Variants in PCSK6 observed in about 807,000 individuals in gnomAD.
The protein encoded by PCSK6 is paired basic amino acid cleaving enzyme 4.
In PCSK6, 85 loss-of-function variants were observed where a neutral mutation model predicts 123.3. That is an observed-to-expected ratio of 0.69 (90% CI 0.58 to 0.83). The LOEUF (loss-of-function observed/expected upper bound fraction) is 0.83, where lower values mean the gene tolerates loss of function less well. PCSK6 is among the 40% of genes least tolerant of loss of function. The pLI, the probability that PCSK6 is intolerant of heterozygous loss-of-function variation, is 0.00. For synonymous variants in PCSK6, 508 were observed against 516.0 expected, an observed-to-expected ratio of 0.98 and a Z score of 0.21; for missense variants, 1,191 against 1,282.3, an observed-to-expected ratio of 0.93 and a Z score of 1.09.
chr15:101,360,380 G>C (rs575444399), intron 13 of PCSK6, among the ~76,000 whole-genome samples: 1 of 152,226 alleles, frequency 6.6e-6, no homozygotes, highest in East Asian at 1.9e-4. Context: ...GTGCGATCTG[G>C]TCCCTATGCT....
chr15:101,485,883 G>A (rs534089669), intron 1 of PCSK6, among the ~76,000 whole-genome samples: 4 of 151,698 alleles, frequency 2.6e-5, no homozygotes, highest in Admixed American at 1.3e-4. Context: ...CATTGAATTT[G>A]CAGATTAAAT....
rs376108270 is a variant in PCSK6 at position 101,331,952 on chromosome 15, G to A, written c.1938C>T (p.Arg646=). 2 of 1,613,786 alleles carry A rather than the reference G, an allele frequency of 1.2e-6. No individual in the cohort carries two copies. The highest frequency in any genetic ancestry group is 1.7e-6 in the Non-Finnish European group (2 of 1,179,860). Residue 646 remains arginine, a synonymous_variant, in exon 14 of 22, where the codon CGC becomes CGT. Transcript: ENST00000611716. ...GGGCTGAGAGCTCCAGCATCCGCGA[G>A]CGGGACTGATGGGCACTGAAGGTGT... The part of the protein sequence containing the change: ...PYHTFSAHQS[R]SRMLELSAPE...
intron 15 of PCSK6, among the ~76,000 whole-genome samples, chr15:101,329,454 C>T (rs1316068467): frequency 6.6e-6 from 1 of 152,188 alleles, no homozygotes; most frequent in Non-Finnish European, 1.5e-5. Context: ...GAGGTGCCCA[C>T]GAGAATAAGA....
intron 6 of PCSK6, among the ~76,000 whole-genome samples, chr15:101,403,764 G>C (rs1053000943): frequency 6.6e-6 from 1 of 152,228 alleles, no homozygotes; most frequent in South Asian, 2.1e-4. Flanking sequence ...CTGTTGCCCA[G>C]GTTGGAGGAC....
Position 101,322,553 on chromosome 15 carries a change from G to T in PCSK6, c.2432C>A (p.Pro811His). The T allele has an allele frequency of 6.2e-7, 1 of 1,613,708 alleles. No individual in the cohort carries two copies. The highest frequency in any genetic ancestry group is 8.5e-7 in the Non-Finnish European group (1 of 1,179,696). Residue 811 changes from proline to histidine, a missense_variant, in exon 18 of 22, where the codon CCT becomes CAT. Coordinates refer to ENST00000611716, the MANE Select transcript of PCSK6 (RefSeq NM_002570.5). ...HPSCKKCVDEPEKCTVCKEGF... is the reference protein window; with the variant it reads ...HPSCKKCVDEHEKCTVCKEGF... ...TTCTTTACAGACAGTACATTTCTCA[G>T]GTTCATCCACGCACTTTTTACAGCT...
Position 101,370,315 on chromosome 15 carries a change from C to G in PCSK6, c.1721+20G>C. 2.7e-6 allele frequency: 4 copies of G among 1,497,858 alleles called. No individual in the cohort carries two copies. Among genetic ancestry groups the G allele is most frequent in the Non-Finnish European group, 2.7e-6 (3 of 1,117,356 alleles). 92.8% of individuals were successfully genotyped at this position (1,497,858 alleles called of 1,614,324 possible). A position where few individuals can be genotyped will look rare whatever the true frequency, so the allele number is the denominator to read the frequency against. ...ATCTCAGTGAGCCCAGACCCCATCC[C>G]CACGCCTGCCTCGCCTTACCTCTTT... On this transcript the variant is annotated intron_variant, in intron 12 of 21. Coordinates refer to ENST00000611716, the MANE Select transcript of PCSK6 (RefSeq NM_002570.5).
Position 101,432,039 on chromosome 15 carries a change from G to C in PCSK6, c.464C>G (p.Pro155Arg). ...GGGGTCGTTGAAGTAAAGGGCCTGC[G>C]GGTCACTTCGCACCTGTCTCTTCAC... ...RRVKRQVRSD[P>R]QALYFNDPIW... Residue 155 changes from proline to arginine, a missense_variant, in exon 3 of 22, where the codon CCG (proline) becomes CGG (arginine). Pro to Arg is a moderately radical substitution (Grantham distance 103). Coordinates refer to ENST00000611716, the MANE Select transcript of PCSK6 (RefSeq NM_002570.5). The C allele has an allele frequency of 6.2e-7, 1 of 1,613,698 alleles. No individual in the cohort carries two copies. Among genetic ancestry groups the C allele is most frequent in the Non-Finnish European group, 8.5e-7 (1 of 1,179,814 alleles).
At chr15:101,467,238 T>G (rs11858490) in intron 1 of PCSK6, among the ~76,000 whole-genome samples, 111,897 of 151,240 alleles carry the variant, frequency 0.74, 42,190 homozygotes, top group Non-Finnish European at 0.83. Flanking sequence ...ATTTGTGTAC[T>G]AGCGGTCTTG....
chr15:101,363,615 T>C (rs1310303622), intron 13 of PCSK6, among the ~76,000 whole-genome samples: 1 of 152,030 alleles, frequency 6.6e-6, no homozygotes, highest in Non-Finnish European at 1.5e-5. Context: ...TTTTTGTACT[T>C]TTAGGATTTG....
intron 13 of PCSK6, among the ~76,000 whole-genome samples, chr15:101,357,878 C>T (rs1320355753): frequency 6.6e-6 from 1 of 152,186 alleles, no homozygotes; most frequent in East Asian, 1.9e-4. Flanking sequence ...CACTGCAGGC[C>T]CCCATCCACA....
intron 19 of PCSK6, among the ~76,000 whole-genome samples, chr15:101,314,969 G>A (rs905913213): frequency 6.6e-6 from 1 of 152,188 alleles, no homozygotes; most frequent in Non-Finnish European, 1.5e-5. Flanking sequence ...ACCAGGCGGG[G>A]TGCCACTCTG....
chr15:101,373,373 A>G (rs1488884542), intron 11 of PCSK6, among the ~76,000 whole-genome samples: 1 of 152,236 alleles, frequency 6.6e-6, no homozygotes, highest in South Asian at 2.1e-4. Flanking sequence ...TTTATGTGAA[A>G]GCTCTTAACT....
chr15:101,385,140 C>T (rs373629287), intron 9 of PCSK6, among the ~76,000 whole-genome samples: 12 of 151,910 alleles, frequency 7.9e-5, no homozygotes, highest in African/African-American at 2.9e-4. Flanking sequence ...CCTCAGCCTC[C>T]CAAGTGGCTA....
chr15:101,469,152 C>T (rs1201435005), intron 1 of PCSK6, among the ~76,000 whole-genome samples: 1 of 152,006 alleles, frequency 6.6e-6, no homozygotes, highest in African/African-American at 2.4e-5. Flanking sequence ...GGAGAAAAAA[C>T]ACTCCCACCT....
At chr15:101,347,804 C>T (rs2040775626) in intron 13 of PCSK6, 5 of 1,586,676 alleles carry the variant, frequency 3.2e-6, no homozygotes, top group Non-Finnish European at 4.3e-6. Context: ...TGAAGTGAAG[C>T]CCATGGGCTG....
chr15:101,404,448 G>A (rs1279953688), intron 6 of PCSK6, among the ~76,000 whole-genome samples: 2 of 152,132 alleles, frequency 1.3e-5, no homozygotes, highest in African/African-American at 4.8e-5. Flanking sequence ...GCTGTGTCAG[G>A]GACACTGGGC....
At chr15:101,309,824 T>C (rs1192073283) in intron 20 of PCSK6, among the ~76,000 whole-genome samples, 1 of 152,248 alleles carries the variant, frequency 6.6e-6, no homozygotes. Context: ...CACTAGGTCT[T>C]GAGGGTGTCC....
chr15:101,338,037 T>C (rs2040522081), intron 13 of PCSK6, among the ~76,000 whole-genome samples: 1 of 152,204 alleles, frequency 6.6e-6, no homozygotes. Context: ...CGTTAATGTC[T>C]TATCTTGAAC....
intron 13 of PCSK6, among the ~76,000 whole-genome samples, chr15:101,357,662 G>A (rs2041084049): frequency 6.6e-6 from 1 of 152,240 alleles, no homozygotes; most frequent in Non-Finnish European, 1.5e-5. Flanking sequence ...CCCACCTGGC[G>A]TGGCCTCACA....
Sources: gnomAD v4.1 joint callset for allele counts (sites outside exome capture counted in the v4.1 genomes callset) on GRCh38, gnomAD v4.1.1 for gene constraint, MANE v1.5 for transcripts, NCBI Gene and HGNC (gene_info 2026-07-23, HGNC 2026-07-21) for gene names.